Variants in OR4K14 observed in about 807,000 individuals in gnomAD.
The protein encoded by OR4K14 is olfactory receptor family 4 subfamily K member 14.
For synonymous variants in OR4K14, 153 were observed against 141.5 expected, an observed-to-expected ratio of 1.08 and a Z score of -0.58; for missense variants, 406 against 373.6, an observed-to-expected ratio of 1.09 and a Z score of -0.72.
chr14:20,017,259 G>C (rs1042117837), intron 1 of OR4K14, among the ~76,000 whole-genome samples: 1 of 151,918 alleles, frequency 6.6e-6, no homozygotes, highest in African/African-American at 2.4e-5. Flanking sequence ...CTTGGCAGTA[G>C]TCAGGCTATC....
rs1877063349 is a variant in OR4K14 at position 20,014,965 on chromosome 14, A to G, written c.229T>C (p.Phe77Leu). 12 of 1,614,014 alleles carry G rather than the reference A, an allele frequency of 7.4e-6. No homozygotes were observed. In the African/African-American group the frequency reaches 1.2e-4, roughly 16 times the overall value. Residue 77 changes from phenylalanine (F) to leucine (L), a missense_variant, in exon 2 of 2, where the codon TTT (phenylalanine) becomes CTT (leucine). Coordinates refer to ENST00000641793, the MANE Select transcript of OR4K14 (RefSeq NM_001004712.2). The part of the protein sequence containing the change: ...LAFLDMWLAS[F>L]ATPKMIRDFL... ...TCCCTGATCATCTTGGGAGTGGCAAATGAGGCCAGCCACATGTCCAGGAAA... is the reference window on the plus strand; with the variant it reads ...TCCCTGATCATCTTGGGAGTGGCAAGTGAGGCCAGCCACATGTCCAGGAAA...
Position 20,015,056 on chromosome 14 carries a change from C to T in OR4K14, c.138G>A (p.Leu46=), listed in dbSNP as rs1347666129. 2 of 1,613,808 alleles carry T rather than the reference C, an allele frequency of 1.2e-6. No homozygotes were observed. Among genetic ancestry groups the T allele is most frequent in the Non-Finnish European group, 1.7e-6 (2 of 1,179,924 alleles). The stretch of plus-strand genomic sequence containing the variant: ...GGCAGGGATCAGAAATTACAGTGAC[C>T]AAAATGAGAAGGTTACCCAGCATAA... ...VAIMLGNLLI[L]VTVISDPCLH... Residue 46 remains leucine, a synonymous_variant, in exon 2 of 2, where the codon TTG becomes TTA. Transcript: ENST00000641793.
intron 1 of OR4K14, among the ~76,000 whole-genome samples, chr14:20,017,823 C>G (rs192751031): frequency 3.4e-4 from 51 of 152,076 alleles, no homozygotes; most frequent in African/African-American, 1.2e-3. Context: ...GGTGTTTTCA[C>G]CATTACACAT....
chr14:20,018,020 T>G lies in OR4K14; in HGVS notation c.-30+1123A>C, dbSNP rs1392098029. Among the ~76,000 whole-genome samples, 4 of 152,094 alleles carry G rather than the reference T, an allele frequency of 2.6e-5. No individual in the cohort carries two copies. The South Asian group carries it at 8.3e-4, about 32-fold the overall frequency. ...AAGGGGTATCACATAGAATCCTTCA[T>G]GAGAAATTACAAAAAAGATGCAGGA... On this transcript the variant is annotated intron_variant, in intron 1 of 1. Coordinates refer to ENST00000641793, the MANE Select transcript of OR4K14 (RefSeq NM_001004712.2).
rs76824559 is a variant in OR4K14, at chr14:20,018,119, T to C, written c.-30+1024A>G. Reference sequence around the variant, plus strand: ...TAAAAGAAGAGTCTTGTAAGGCTTCTACAGGGAAATAAAGTAACTTATTCT... The same window carrying C: ...TAAAAGAAGAGTCTTGTAAGGCTTCCACAGGGAAATAAAGTAACTTATTCT... On this transcript the variant is annotated intron_variant, in intron 1 of 1. Coordinates refer to ENST00000641793, the MANE Select transcript of OR4K14 (RefSeq NM_001004712.2). Among the ~76,000 whole-genome samples the C allele has an allele frequency of 4.2e-3, 639 of 152,138 alleles. 2 individuals carry two copies. Among genetic ancestry groups the C allele is most frequent in the African/African-American group, 0.014 (592 of 41,562 alleles).
At position 20,014,677 on chromosome 14, in the gene OR4K14, TG is replaced by T. The variant is rs1199997463; in HGVS notation, c.516del (p.Asn173MetfsTer3). 6.2e-7 allele frequency: 1 copy of T among 1,614,046 alleles called. No homozygotes were observed. Among genetic ancestry groups the T allele is most frequent in the Non-Finnish European group, 8.5e-7 (1 of 1,179,988 alleles). On this transcript the variant is annotated frameshift_variant, in exon 2 of 2. Coordinates refer to ENST00000641793, the MANE Select transcript of OR4K14 (RefSeq NM_001004712.2). LOFTEE classifies it low-confidence loss of function (END_TRUNC). ...AFTVNLPYCG[P>X]NEVDSFFCDL... ...TCACAGAAGAAGCTGTCTACCTCAT[TG>T]GGGCCACAGTAAGGCAAATTTACAG...
rs912077953 is a variant in OR4K14, at chr14:20,014,888, G to T, written c.306C>A (p.Ile102=). The change falls in exon 2 of 2, where the codon ATC becomes ATA. Residue 102 remains isoleucine (I), a synonymous_variant. Transcript: ENST00000641793. ...CCCCACCAGTAAAGTGCAAGAAGAA[G>T]ATTTGAGCCATACATCCTCCAAAGG... is the stretch of plus-strand genomic sequence containing the variant. ...LISFGGCMAQ[I]FFLHFTGGAE... is the part of the protein sequence containing the mutation. The T allele has an allele frequency of 6.2e-7, 1 of 1,614,020 alleles. No homozygotes were observed. Among genetic ancestry groups the T allele is most frequent in the East Asian group, 2.2e-5 (1 of 44,886 alleles).
At chr14:20,016,714 AC>A (rs1184432496) in intron 1 of OR4K14, among the ~76,000 whole-genome samples, 2 of 152,140 alleles carry the variant, frequency 1.3e-5, no homozygotes, top group Non-Finnish European at 2.9e-5. Context: ...TTACTTACAG[AC>A]TTATAGAATA....
At position 20,015,206 on chromosome 14, in the gene OR4K14, C is replaced by CA; in HGVS notation, c.-14dup. 1.9e-6 allele frequency: 3 copies of CA among 1,547,478 alleles called. No individual in the cohort carries two copies. Among genetic ancestry groups the CA allele is most frequent in the Non-Finnish European group, 2.6e-6 (3 of 1,142,314 alleles). On this transcript the variant is annotated 5_prime_UTR_variant, in exon 2 of 2. Coordinates refer to ENST00000641793, the MANE Select transcript of OR4K14 (RefSeq NM_001004712.2). The stretch of plus-strand genomic sequence containing the variant: ...TCTGTGGGTCCATTGCCTCAGGTTT[C>CA]AGACTTTGTTTGTAATCTAAATAAA...
rs1168017999 is a variant in OR4K14, at chr14:20,014,333, G to C, written c.861C>G (p.Ile287Met). ...TCATCTCCTCATTTCTCAATGTGTA[G>C]ATAATGGGGTTCAGGAGTGGAGTAA... Reference protein sequence around the residue: ...TIFTPLLNPIIYTLRNEEMKA... With the variant: ...TIFTPLLNPIMYTLRNEEMKA... Residue 287 changes from isoleucine (I) to methionine (M), a missense_variant, in exon 2 of 2, where the codon ATC becomes ATG. By Grantham distance (10) the Ile-to-Met change is conservative. Transcript: ENST00000641793. 2 of 1,613,458 alleles carry C rather than the reference G, an allele frequency of 1.2e-6. No individual in the cohort carries two copies. The highest frequency in any genetic ancestry group is 2.2e-5 in the East Asian group (1 of 44,888).
In OR4K14 at chr14:20,015,082, T is replaced by G; in HGVS notation, c.112A>C (p.Ile38Leu). 3 of 1,613,908 alleles carry G rather than the reference T, an allele frequency of 1.9e-6. No individual in the cohort carries two copies. Among genetic ancestry groups the G allele is most frequent in the East Asian group, 2.2e-5 (1 of 44,878 alleles). Residue 38 changes from isoleucine (I) to leucine (L), a missense_variant, in exon 2 of 2, where the codon ATT (isoleucine) becomes CTT (leucine). Transcript: ENST00000641793. ...AAAATGAGAAGGTTACCCAGCATAA[T>G]GGCCACATAGACCCCAAAGAAAAAT... ...FIFFFGVYVA[I>L]MLGNLLILVT...
rs772205345 is a variant in OR4K14 at position 20,015,049 on chromosome 14, C to G, written c.145G>C (p.Val49Leu). Residue 49 changes from valine to leucine, a missense_variant, in exon 2 of 2, where the codon GTA becomes CTA. By Grantham distance (32) the Val-to-Leu change is conservative (BLOSUM62 1). Transcript: ENST00000641793. ...MLGNLLILVT[V>L]ISDPCLHSSP... ...GAGTGCAGGCAGGGATCAGAAATTA[C>G]AGTGACCAAAATGAGAAGGTTACCC... 1 of 1,614,038 alleles carries G rather than the reference C, an allele frequency of 6.2e-7. No homozygotes were observed. The highest frequency in any genetic ancestry group is 8.5e-7 in the Non-Finnish European group (1 of 1,179,984).
At chr14:20,018,601 T>C (rs977920665) in intron 1 of OR4K14, among the ~76,000 whole-genome samples, 1 of 152,018 alleles carries the variant, frequency 6.6e-6, no homozygotes, top group African/African-American at 2.4e-5. Context: ...TTTAATATAC[T>C]TTTTAATAAA....
Position 20,014,867 on chromosome 14 carries a change from A to C in OR4K14, c.327T>G (p.Gly109=), listed in dbSNP as rs1167672716. ...MAQIFFLHFT[G]GAEMVLLVSM... is the part of the protein sequence containing the mutation. The stretch of plus-strand genomic sequence containing the variant: ...AAACCAGGAGCACCATCTCAGCCCC[A>C]CCAGTAAAGTGCAAGAAGAAGATTT... Residue 109 remains glycine (G), a synonymous_variant, in exon 2 of 2, where the codon GGT becomes GGG. Transcript: ENST00000641793. 1 of 1,614,108 alleles carries C rather than the reference A, an allele frequency of 6.2e-7. No homozygotes were observed. Among genetic ancestry groups the C allele is most frequent in the Admixed American group, 1.7e-5 (1 of 60,020 alleles).
chr14:20,018,331 T>G (rs937944828), intron 1 of OR4K14, among the ~76,000 whole-genome samples: 1 of 152,042 alleles, frequency 6.6e-6, no homozygotes, highest in African/African-American at 2.4e-5. Flanking sequence ...AACATTACAT[T>G]AAATCATTTA....
chr14:20,015,137 A>G lies in OR4K14; in HGVS notation c.57T>C (p.Thr19=), dbSNP rs777021678. The G allele has an allele frequency of 7.4e-6, 12 of 1,613,800 alleles. No individual in the cohort carries two copies. The Admixed American group carries it at 2.0e-4, about 27-fold the overall frequency. Residue 19 remains threonine (T), a synonymous_variant, in exon 2 of 2, where the codon ACT becomes ACC. Coordinates refer to ENST00000641793, the MANE Select transcript of OR4K14 (RefSeq NM_001004712.2). ...AGAAAAAATTTTGAAGATGTCGTGAAGTGCAGAGTCCATGCAACACAAATT... is the reference window on the plus strand; with the variant it reads ...AGAAAAAATTTTGAAGATGTCGTGAGGTGCAGAGTCCATGCAACACAAATT... The part of the protein sequence containing the change: ...VSEFVLHGLC[T]SRHLQNFFFI...
chr14:20,015,280 G>C (rs1404216704), intron 1 of OR4K14, 58 bp from the exon 2 acceptor site: 2 of 777,532 alleles, frequency 2.6e-6, no homozygotes, highest in Non-Finnish European at 4.1e-6. Flanking sequence ...ATTGTATTAA[G>C]TGAAATAAGC....
rs1436671143 is a variant in OR4K14 at position 20,014,452 on chromosome 14, C to T, written c.742G>A (p.Val248Met). 1.2e-6 allele frequency: 2 copies of T among 1,613,956 alleles called. No homozygotes were observed. The highest frequency in any genetic ancestry group is 2.7e-5 in the African/African-American group (2 of 74,906). Residue 248 changes from valine to methionine, a missense_variant, in exon 2 of 2, where the codon GTG becomes ATG. Transcript: ENST00000641793. ...LSTCSAHIMVVTLFFGPCIFV... is the reference protein window; with the variant it reads ...LSTCSAHIMVMTLFFGPCIFV... ...ATGCAAGGGCCAAAGAACAGCGTCA[C>T]TACCATGATATGTGCAGAGCAAGTG...
intron 1 of OR4K14, among the ~76,000 whole-genome samples, chr14:20,017,370 C>G (rs1877119652): frequency 6.6e-6 from 1 of 151,838 alleles, no homozygotes. Context: ...GTATAAAAAC[C>G]AATCAATACA....
Sources: gnomAD v4.1 joint callset for allele counts (sites outside exome capture counted in the v4.1 genomes callset) on GRCh38, gnomAD v4.1.1 for gene constraint, MANE v1.5 for transcripts, NCBI Gene and HGNC (gene_info 2026-07-23, HGNC 2026-07-21) for gene names.